Variants in BCAP29 observed in about 807,000 individuals in gnomAD.
BCAP29 encodes B cell receptor associated protein 29, also known as B-cell receptor-associated protein 29.
BCAP29 carries 34 observed loss-of-function variants against 31.8 expected under a neutral mutation model. That is an observed-to-expected ratio of 1.07 (90% CI 0.81 to 1.42). BCAP29 has a LOEUF of 1.42. Ranked by LOEUF, BCAP29 falls within the 40% of genes most tolerant of loss-of-function variation. The pLI is 0.00. For missense variants in BCAP29, 314 were observed against 269.2 expected (o/e 1.17, Z -1.16); for synonymous variants, 104 against 91.3 (o/e 1.14, Z -0.79).
intron 3 of BCAP29, chr7:107,587,595 C>T (rs568797629): frequency 1.1e-4 from 17 of 151,904 alleles, no homozygotes; most frequent in Non-Finnish European, 2.2e-4. Flanking sequence ...TTGAGGCAAT[C>T]TGAGAAATGA....
chr7:107,591,475 A>G (rs1214924919), intron 3 of BCAP29, among the ~76,000 whole-genome samples: 1 of 152,116 alleles, frequency 6.6e-6, no homozygotes, highest in Admixed American at 6.5e-5. Context: ...TTTGGACTCA[A>G]GATGTATTTC....
Position 107,595,898 on chromosome 7 carries a change from C to T in BCAP29, c.376C>T (p.Gln126Ter). 1 of 1,600,938 alleles carries T rather than the reference C, an allele frequency of 6.2e-7. No individual in the cohort carries two copies. The highest frequency in any genetic ancestry group is 8.5e-7 in the Non-Finnish European group (1 of 1,175,916). Residue 126 changes from glutamine (Q) to a stop codon, truncating the protein, a stop_gained, in exon 5 of 8, where the codon CAA becomes TAA. Transcript: ENST00000005259. LOFTEE classifies it high-confidence loss of function. ...GAGACGTCTGGTTACGCTTATTACT[C>T]AACTGGCAAAAGAACTGTCAAACAA... ...VLRRLVTLIT[Q>*]LAKELSNKGV...
At chr7:107,608,198 AT>A (rs982132676) in intron 6 of BCAP29, among the ~76,000 whole-genome samples, 261 of 149,644 alleles carry the variant, frequency 1.7e-3, no homozygotes, top group African/African-American at 6.2e-3. Context: ...AAATGAGTGG[AT>A]TAAAAAAAAA....
downstream of BCAP29, chr7:107,623,119 A>G (rs1030856629): frequency 1.3e-5 from 2 of 152,164 alleles, no homozygotes; most frequent in Admixed American, 6.5e-5. Flanking sequence ...GTGGAGCAAC[A>G]AGGAGCTGTG....
intron 6 of BCAP29, among the ~76,000 whole-genome samples, chr7:107,604,185 T>C (rs1811670966): frequency 6.6e-6 from 1 of 152,182 alleles, no homozygotes. Context: ...TCTTCCTGGA[T>C]AAATGCTTTC....
At chr7:107,617,375 C>T (rs993556878) in intron 7 of BCAP29, among the ~76,000 whole-genome samples, 5 of 152,038 alleles carry the variant, frequency 3.3e-5, no homozygotes, top group African/African-American at 1.2e-4. Flanking sequence ...TGGATTTCCC[C>T]ATCTGGTCCC....
chr7:107,623,144 A>T (rs2129303129), downstream of BCAP29: 1 of 152,330 alleles, frequency 6.6e-6, no homozygotes, highest in Non-Finnish European at 1.5e-5. Flanking sequence ...TGACGCCATA[A>T]GCACCACACC....
At chr7:107,587,872 T>TCAGAAAACAGATATTACTACTGCTTC in intron 3 of BCAP29, 1 of 152,094 alleles carries the variant, frequency 6.6e-6, no homozygotes, top group Non-Finnish European at 1.5e-5. Flanking sequence ...CCTACTGCTT[T>TCAGAAAACAGATATTACTACTGCTTC]CAGAAAACAG....
chr7:107,616,166 G>A (rs747544323), intron 7 of BCAP29: 3 of 152,310 alleles, frequency 2.0e-5, no homozygotes, highest in Non-Finnish European at 4.4e-5. Flanking sequence ...GGCACTAGAA[G>A]ACTGAAGGCA....
At chr7:107,596,871 A>G (rs1035660745) in intron 5 of BCAP29, among the ~76,000 whole-genome samples, 2 of 152,232 alleles carry the variant, frequency 1.3e-5, no homozygotes, top group East Asian at 1.9e-4. Context: ...CCATTTACCC[A>G]TGCAAGGAAA....
At chr7:107,599,256 AT>A (rs1216767146) in intron 5 of BCAP29, among the ~76,000 whole-genome samples, 1 of 122,018 alleles carries the variant, frequency 8.2e-6, no homozygotes, top group East Asian at 2.1e-4. Context: ...AATATATATA[AT>A]TTTTATATAT....
chr7:107,595,017 A>G (rs1222189437), intron 4 of BCAP29, among the ~76,000 whole-genome samples: 1 of 152,110 alleles, frequency 6.6e-6, no homozygotes, highest in Non-Finnish European at 1.5e-5. Context: ...TCCATCTTGC[A>G]ACAGATATTG....
chr7:107,613,752 A>T (rs1465401884), intron 7 of BCAP29: 2 of 1,606,668 alleles, frequency 1.2e-6, no homozygotes, highest in Admixed American at 3.3e-5. Flanking sequence ...GCTCTTTGGG[A>T]TGTTTGCCAT....
At chr7:107,595,724 TA>T in intron 4 of BCAP29, 142 bp from the exon 5 acceptor site, 4 of 829,154 alleles carry the variant, frequency 4.8e-6, no homozygotes, top group Non-Finnish European at 5.3e-6. Flanking sequence ...AGACTTGAAT[TA>T]AAAAAAGAAT....
Position 107,594,086 on chromosome 7 carries a change from TTTTCCCTA to T in BCAP29, c.329_336del (p.Ser110PhefsTer26). 6.2e-7 allele frequency: 1 copy of T among 1,610,908 alleles called. No homozygotes were observed. The highest frequency in any genetic ancestry group is 1.3e-5 in the African/African-American group (1 of 74,728). The stretch of plus-strand genomic sequence containing the variant: ...TCAAAGAAATCTTTACATTTCTGGA[TTTTCCCTA>T]TTTTTTTGGCTGTAAGTAAAAAATA... On this transcript the variant is annotated frameshift_variant, in exon 4 of 8. Coordinates refer to ENST00000005259, the MANE Select transcript of BCAP29 (RefSeq NM_018844.4). LOFTEE classifies it high-confidence loss of function.
At chr7:107,598,034 T>C (rs1438550365) in intron 5 of BCAP29, among the ~76,000 whole-genome samples, 1 of 152,190 alleles carries the variant, frequency 6.6e-6, no homozygotes, top group African/African-American at 2.4e-5. Flanking sequence ...GTTCTTGGTC[T>C]TTCTCCAGCG....
intron 6 of BCAP29, among the ~76,000 whole-genome samples, chr7:107,608,474 GTTTGTTTGTT>G (rs1585199577): frequency 6.6e-6 from 1 of 151,970 alleles, no homozygotes; most frequent in Non-Finnish European, 1.5e-5. Context: ...TTGTTTGTTT[GTTTGTTTGTT>G]TGTTTCATTT....
chr7:107,584,051 G>C, intron 3 of BCAP29, 69 bp downstream of exon 3: 1 of 881,698 alleles, frequency 1.1e-6, no homozygotes, highest in South Asian at 2.2e-5. Context: ...AATTAATAGA[G>C]TTGATGTTAC....
At chr7:107,606,164 C>G (rs1222808538) in intron 6 of BCAP29, among the ~76,000 whole-genome samples, 1 of 152,228 alleles carries the variant, frequency 6.6e-6, no homozygotes. Flanking sequence ...AGAAGCTGTT[C>G]ATATAGCTTT....
Sources: gnomAD v4.1 joint callset for allele counts (sites outside exome capture counted in the v4.1 genomes callset) on GRCh38, gnomAD v4.1.1 for gene constraint, MANE v1.5 for transcripts, NCBI Gene and HGNC (gene_info 2026-07-23, HGNC 2026-07-21) for gene names.